The following MEF2A variants were observed in gnomAD, a reference collection of about 807,000 sequenced individuals.
The protein encoded by MEF2A is myocyte enhancer factor 2A.
MEF2A carries 28 observed loss-of-function variants against 55.8 expected under a neutral mutation model. The observed-to-expected ratio is 0.50, with a 90% CI of 0.37 to 0.69. MEF2A has a LOEUF of 0.69. Ranked by LOEUF, MEF2A falls within the 30% of genes least tolerant of loss-of-function variation. The pLI, the probability that MEF2A is intolerant of heterozygous loss-of-function variation, is 0.00. For synonymous variants in MEF2A, 239 were observed against 227.1 expected (o/e 1.05, Z -0.47); for missense variants, 528 against 626.2 (o/e 0.84, Z 1.67).
intron 8 of MEF2A, among the ~76,000 whole-genome samples, chr15:99,699,758 A>T (rs1185895528): frequency 1.3e-5 from 2 of 152,196 alleles, no homozygotes; most frequent in Non-Finnish European, 2.9e-5. Flanking sequence ...TTCATCCCTC[A>T]CATACACAAA....
At chr15:99,585,783 T>C (rs1323332925) in intron 1 of MEF2A, among the ~76,000 whole-genome samples, 1 of 152,252 alleles carries the variant, frequency 6.6e-6, no homozygotes, top group Non-Finnish European at 1.5e-5. Context: ...ACAGTAATGC[T>C]GATTGTTCTT....
chr15:99,699,712 G>A (rs149645371), intron 8 of MEF2A, among the ~76,000 whole-genome samples: 11 of 152,150 alleles, frequency 7.2e-5, no homozygotes, highest in African/African-American at 1.9e-4. Flanking sequence ...AGAGACCAAC[G>A]AAATTGTAGC....
chr15:99,622,358 GT>G (rs1217130270), intron 2 of MEF2A, among the ~76,000 whole-genome samples: 1 of 152,092 alleles, frequency 6.6e-6, no homozygotes, highest in Non-Finnish European at 1.5e-5. Flanking sequence ...ATGCCCATCT[GT>G]TTTCTAAAGG....
intron 3 of MEF2A, among the ~76,000 whole-genome samples, chr15:99,643,461 ATTCCT>A (rs2045390106): frequency 6.6e-6 from 1 of 152,102 alleles, no homozygotes; most frequent in African/African-American, 2.4e-5. Flanking sequence ...AGTATTTTTC[ATTCCT>A]TTCCTTATTG....
At chr15:99,613,134 A>T (rs2039589006) in intron 2 of MEF2A, among the ~76,000 whole-genome samples, 1 of 152,228 alleles carries the variant, frequency 6.6e-6, no homozygotes, top group Non-Finnish European at 1.5e-5. Flanking sequence ...ATATAATAAA[A>T]CAGAGGCTGT....
At chr15:99,611,831 T>A (rs573605528) in intron 2 of MEF2A, among the ~76,000 whole-genome samples, 1 of 152,264 alleles carries the variant, frequency 6.6e-6, no homozygotes, top group Non-Finnish European at 1.5e-5. Context: ...ACAATATTAT[T>A]CAGCCAAAAA....
chr15:99,596,891 G>A (rs926994917), intron 1 of MEF2A, among the ~76,000 whole-genome samples: 2 of 152,188 alleles, frequency 1.3e-5, no homozygotes, highest in Non-Finnish European at 2.9e-5. Context: ...GCAGAAGAAC[G>A]TGGATTGTGA....
intron 2 of MEF2A, among the ~76,000 whole-genome samples, chr15:99,604,724 T>C (rs758629019): frequency 4.4e-4 from 66 of 151,276 alleles, no homozygotes; most frequent in Middle Eastern, 3.4e-3. Context: ...TTTTTTTTGG[T>C]ATCTTCTATA....
chr15:99,673,986 T>TGAC (rs2051392468), intron 5 of MEF2A, among the ~76,000 whole-genome samples: 1 of 152,150 alleles, frequency 6.6e-6, no homozygotes, highest in Non-Finnish European at 1.5e-5. Flanking sequence ...CCTTCCGTTA[T>TGAC]ATTTGGGATC....
chr15:99,681,727 A>G (rs925314080), intron 7 of MEF2A: 3 of 152,216 alleles, frequency 2.0e-5, no homozygotes, highest in Admixed American at 1.3e-4. Flanking sequence ...ATTTCATTGA[A>G]TCAAGTACAC....
At chr15:99,592,635 C>G (rs1969715643) in intron 1 of MEF2A, among the ~76,000 whole-genome samples, 1 of 152,010 alleles carries the variant, frequency 6.6e-6, no homozygotes, top group Non-Finnish European at 1.5e-5. Flanking sequence ...ATGTTACAGT[C>G]ATGGTGAAAG....
intron 7 of MEF2A, among the ~76,000 whole-genome samples, chr15:99,680,392 C>G (rs2053011847): frequency 6.6e-6 from 1 of 152,084 alleles, no homozygotes; most frequent in Non-Finnish European, 1.5e-5. Flanking sequence ...ACTATTAGCA[C>G]TTTTTATTGT....
rs1041752994 is a variant in MEF2A, at chr15:99,583,386, T to A, written c.-224-15044T>A. 4.6e-5 allele frequency among the ~76,000 whole-genome samples: 7 copies of A among 152,198 alleles called. No individual in the cohort carries two copies. The East Asian group carries it at 9.6e-4, about 21-fold the overall frequency. ...AGCCTTATTAATATGGAAACCTGTT[T>A]GATAGACTTCGACACTTTACTAGAT... On this transcript the variant is annotated intron_variant, in intron 1 of 11. Transcript: ENST00000557942.
intron 2 of MEF2A, among the ~76,000 whole-genome samples, chr15:99,628,016 AT>A (rs1277661815): frequency 6.6e-6 from 1 of 152,152 alleles, no homozygotes; most frequent in Non-Finnish European, 1.5e-5. Flanking sequence ...ACGTATTATA[AT>A]TTTTCCCTAC....
chr15:99,581,915 A>G (rs183871329), intron 1 of MEF2A, among the ~76,000 whole-genome samples: 95 of 152,258 alleles, frequency 6.2e-4, no homozygotes, highest in African/African-American at 2.3e-3. Flanking sequence ...AGTTTGAGCA[A>G]AAGAGCCAAA....
chr15:99,592,173 T>C (rs977309799), intron 1 of MEF2A, among the ~76,000 whole-genome samples: 8 of 152,180 alleles, frequency 5.3e-5, no homozygotes, highest in African/African-American at 1.9e-4. Context: ...TAGTGTAGCC[T>C]TTACTGTAGG....
At chr15:99,588,365 G>A (rs1477571784) in intron 1 of MEF2A, among the ~76,000 whole-genome samples, 2 of 151,348 alleles carry the variant, frequency 1.3e-5, no homozygotes, top group Admixed American at 6.6e-5. Flanking sequence ...GCAGTGGCAC[G>A]ATCTTGGCTC....
At chr15:99,688,325 T>G (rs867744812) in intron 7 of MEF2A, among the ~76,000 whole-genome samples, 9 of 152,230 alleles carry the variant, frequency 5.9e-5, no homozygotes, top group Non-Finnish European at 8.8e-5. Context: ...TGTATTAACT[T>G]ACATGTAACC....
At chr15:99,674,190 G>A (rs2051436820) in intron 5 of MEF2A, among the ~76,000 whole-genome samples, 2 of 152,094 alleles carry the variant, frequency 1.3e-5, no homozygotes, top group Non-Finnish European at 2.9e-5. Flanking sequence ...GTATAAAGTT[G>A]AAATTGAAAA....
Sources: gnomAD v4.1 joint callset for allele counts (sites outside exome capture counted in the v4.1 genomes callset) on GRCh38, gnomAD v4.1.1 for gene constraint, MANE v1.5 for transcripts, NCBI Gene and HGNC (gene_info 2026-07-23, HGNC 2026-07-21) for gene names.